The following TENM4 variants were observed in gnomAD, a reference collection of about 807,000 sequenced individuals.
TENM4 encodes the protein teneurin transmembrane protein 4, also known as teneurin-4.
Under a neutral mutation model 243.3 loss-of-function variants are expected in TENM4, and 82 were observed. The ratio of observed to expected loss-of-function variants is 0.34; its 90% CI spans 0.28 to 0.40. The LOEUF is 0.40. Ranked by LOEUF, TENM4 falls within the 10% of genes least tolerant of loss-of-function variation. The pLI is 1.00. For missense variants in TENM4, 3,138 were observed against 3,673.3 expected (o/e 0.85, Z 3.77); for synonymous variants, 1,412 against 1,456.3 (o/e 0.97, Z 0.69).
chr11:79,200,834 GA>G (rs1453942786), intron 3 of TENM4, among the ~76,000 whole-genome samples: 1 of 152,204 alleles, frequency 6.6e-6, no homozygotes, highest in Non-Finnish European at 1.5e-5. Context: ...TTATGCCCTG[GA>G]AAAACTTCTA....
chr11:79,152,773 C>T (rs1862535732), intron 3 of TENM4, among the ~76,000 whole-genome samples: 1 of 152,310 alleles, frequency 6.6e-6, no homozygotes, highest in Middle Eastern at 3.4e-3. Context: ...CTCCCTGAAG[C>T]ATGACTTCCT....
At chr11:78,881,113 T>C (rs1463148288) in intron 9 of TENM4, among the ~76,000 whole-genome samples, 2 of 152,122 alleles carry the variant, frequency 1.3e-5, no homozygotes, top group East Asian at 3.8e-4. Flanking sequence ...GGTGGCTGAG[T>C]GGGTGCAAAG....
intron 4 of TENM4, among the ~76,000 whole-genome samples, chr11:79,132,138 C>T (rs1447296098): frequency 2.6e-5 from 4 of 151,440 alleles, no homozygotes; most frequent in East Asian, 3.9e-4. Flanking sequence ...GTCAGGAGAT[C>T]GAGACCACCC....
chr11:78,937,050 T>C (rs1182303539), intron 6 of TENM4, among the ~76,000 whole-genome samples: 2 of 152,176 alleles, frequency 1.3e-5, no homozygotes, highest in African/African-American at 4.8e-5. Context: ...ATTATTGCAA[T>C]TAAAAAAAAT....
intron 6 of TENM4, among the ~76,000 whole-genome samples, chr11:78,931,217 C>T (rs1263190052): frequency 6.6e-6 from 1 of 152,186 alleles, no homozygotes; most frequent in Admixed American, 6.5e-5. Flanking sequence ...ACGATTTCCC[C>T]ATGTGCCTTG....
intron 1 of TENM4, among the ~76,000 whole-genome samples, chr11:79,337,893 G>C (rs1857173894): frequency 6.6e-6 from 1 of 152,234 alleles, no homozygotes; most frequent in South Asian, 2.1e-4. Context: ...CTGCAGCTGG[G>C]GTGGTACCTA....
intron 14 of TENM4, among the ~76,000 whole-genome samples, chr11:78,808,797 C>A (rs1400118673): frequency 1.3e-5 from 2 of 152,152 alleles, no homozygotes; most frequent in East Asian, 1.9e-4. Context: ...AGAGCATGAC[C>A]TGTTGGAATG....
At chr11:79,280,015 T>C (rs1856129202) in intron 2 of TENM4, among the ~76,000 whole-genome samples, 1 of 151,342 alleles carries the variant, frequency 6.6e-6, no homozygotes, top group Admixed American at 6.6e-5. Flanking sequence ...ACAGTGCTCC[T>C]CCCCTCTGGA....
At chr11:78,839,180 T>C (rs1269494374) in intron 12 of TENM4, among the ~76,000 whole-genome samples, 2 of 152,224 alleles carry the variant, frequency 1.3e-5, no homozygotes, top group Non-Finnish European at 1.5e-5. Flanking sequence ...ATGAAGTCTT[T>C]AGCCATGCAA....
intron 2 of TENM4, among the ~76,000 whole-genome samples, chr11:79,241,721 T>A (rs965583449): frequency 1.3e-5 from 2 of 152,114 alleles, no homozygotes; most frequent in African/African-American, 4.8e-5. Flanking sequence ...TGTGAGCGTG[T>A]GTGTGTGTGT....
In TENM4 at chr11:79,011,137, A is replaced by G. The variant is rs535941157; in HGVS notation, c.493+53601T>C. Among the ~76,000 whole-genome samples the G allele has an allele frequency of 1.8e-4, 27 of 152,362 alleles. No individual in the cohort carries two copies. The East Asian group carries it at 2.3e-3, about 13-fold the overall frequency. On this transcript the variant is annotated intron_variant, in intron 6 of 33. Coordinates refer to ENST00000278550, the MANE Select transcript of TENM4 (RefSeq NM_001098816.3). Reference sequence around the variant, plus strand: ...AACCTACCCTGAATGTATGCTTTAGAAAAGGAAAAACAAAAAACCTTCCGT... The same window carrying G: ...AACCTACCCTGAATGTATGCTTTAGGAAAGGAAAAACAAAAAACCTTCCGT...
At chr11:79,346,231 A>C (rs1000446894) in intron 1 of TENM4, among the ~76,000 whole-genome samples, 2 of 152,150 alleles carry the variant, frequency 1.3e-5, no homozygotes, top group Non-Finnish European at 2.9e-5. Flanking sequence ...CCATTTGTTG[A>C]TTCAGGTGCT....
intron 11 of TENM4, 74 bp downstream of exon 11, chr11:78,855,890 G>A: frequency 7.1e-7 from 1 of 1,406,766 alleles, no homozygotes; most frequent in East Asian, 2.5e-5. Flanking sequence ...CTCTGGATTG[G>A]GCTTCTTAAC....
intron 9 of TENM4, among the ~76,000 whole-genome samples, chr11:78,866,052 G>C (rs1285956345): frequency 6.6e-6 from 1 of 152,176 alleles, no homozygotes; most frequent in Admixed American, 6.5e-5. Context: ...TTGGTACCAG[G>C]TACCAGGTGA....
rs760270892 is a variant in TENM4 at position 78,672,292 on chromosome 11, C to T, written c.5534G>A (p.Arg1845His). The stretch of plus-strand genomic sequence containing the variant: ...ATAGATCTTCTCTGTGCGTGTTACG[C>T]GATCAAAGTCCAGAGATAGGAGATT... Reference protein sequence around the residue: ...NRNLLSLDFDRVTRTEKIYDD... With the variant: ...NRNLLSLDFDHVTRTEKIYDD... Residue 1845 changes from arginine (R) to histidine (H), a missense_variant, in exon 31 of 34, where the codon CGC becomes CAC. Physicochemically the swap from Arg to His is conservative, Grantham distance 29. Around this residue, in one of 2 missense-constraint regions of TENM4, gnomAD observed 2,467 missense variants for 3,059.1 expected, o/e 0.81. Coordinates refer to ENST00000278550, the MANE Select transcript of TENM4 (RefSeq NM_001098816.3). 3.7e-5 allele frequency: 59 copies of T among 1,612,640 alleles called. No individual in the cohort carries two copies. Among genetic ancestry groups the T allele is most frequent in the African/African-American group, 5.3e-5 (4 of 74,914 alleles).
intron 4 of TENM4, among the ~76,000 whole-genome samples, chr11:79,113,392 G>GGTGTGTGTGTGTGTGT (rs113144339): frequency 0.051 from 7,457 of 144,968 alleles, 225 homozygotes; most frequent in Middle Eastern, 0.064. Flanking sequence ...CTATTGGATT[G>GGTGTGTGTGTGTGTGT]GTGTGTGTGT....
chr11:78,828,011 T>C (rs1857896388), intron 12 of TENM4, among the ~76,000 whole-genome samples: 1 of 152,222 alleles, frequency 6.6e-6, no homozygotes, highest in African/African-American at 2.4e-5. Flanking sequence ...CCCTCTTATC[T>C]GTGCTGCCAC....
chr11:78,824,647 G>T (rs1857811997), intron 12 of TENM4, among the ~76,000 whole-genome samples: 1 of 151,700 alleles, frequency 6.6e-6, no homozygotes, highest in Non-Finnish European at 1.5e-5. Context: ...GACTACAGGC[G>T]CACACCACCA....
intron 1 of TENM4, among the ~76,000 whole-genome samples, chr11:79,393,095 T>C (rs1858270707): frequency 6.6e-6 from 1 of 152,174 alleles, no homozygotes; most frequent in Non-Finnish European, 1.5e-5. Flanking sequence ...CTTTTCCTTG[T>C]AGCTATTTTT....
Sources: gnomAD v4.1 joint callset for allele counts (sites outside exome capture counted in the v4.1 genomes callset) on GRCh38, gnomAD v4.1.1 for gene constraint, gnomAD v4.1.1 regional missense constraint, MANE v1.5 for transcripts, NCBI Gene and HGNC (gene_info 2026-07-23, HGNC 2026-07-21) for gene names.